FADS2: variants seen among roughly 807,000 people sequenced by gnomAD.
FADS2 encodes fatty acid desaturase 2.
In FADS2, 18 loss-of-function variants were observed where a neutral mutation model predicts 61.2. The observed-to-expected ratio is 0.29, with a 90% CI of 0.20 to 0.44. The LOEUF (loss-of-function observed/expected upper bound fraction) is 0.44. FADS2 is among the 20% of genes least tolerant of loss of function. The pLI is 1.00. For synonymous variants in FADS2, 203 were observed against 223.9 expected, an observed-to-expected ratio of 0.91 and a Z score of 0.83; for missense variants, 322 against 572.7, an observed-to-expected ratio of 0.56 and a Z score of 4.47.
upstream of FADS2, chr11:61,826,480 A>G (rs541010884): frequency 1.6e-5 from 10 of 635,834 alleles, no homozygotes; most frequent in Middle Eastern, 2.9e-4. Flanking sequence ...CCCTTTACAA[A>G]TGTTCATTAA....
upstream of FADS2, chr11:61,828,236 G>T: frequency 7.0e-7 from 1 of 1,436,092 alleles, no homozygotes; most frequent in Non-Finnish European, 9.1e-7. This position sits in a 1 kb window ranked among gnomAD's most constrained non-coding sequence, Gnocchi z 6.4. Context: ...CGAGAAGGCT[G>T]GGGGAGGGGG....
At chr11:61,847,863 C>T in intron 4 of FADS2, 1 of 372,740 alleles carries the variant, frequency 2.7e-6, no homozygotes, top group Non-Finnish European at 5.1e-6. Flanking sequence ...AGACTGGCTG[C>T]CACACCTGCT....
At chr11:61,857,905 C>T (rs1295052868) in intron 7 of FADS2, among the ~76,000 whole-genome samples, 2 of 152,340 alleles carry the variant, frequency 1.3e-5, no homozygotes, top group Admixed American at 6.5e-5. Context: ...AGCAGCTGGG[C>T]GTTGGCTGAG....
Position 61,865,184 on chromosome 11 carries a change from A to G in FADS2, c.1190A>G (p.His397Arg). The G allele has an allele frequency of 6.2e-7, 1 of 1,613,672 alleles. No individual in the cohort carries two copies. Among genetic ancestry groups the G allele is most frequent in the East Asian group, 2.2e-5 (1 of 44,864 alleles). ...LFPTMPRHNL[H>R]KIAPLVKSLC... The stretch of plus-strand genomic sequence containing the variant: ...CCCACCATGCCCCGGCACAACTTAC[A>G]CAAGATCGCCCCGCTGGTGAAGTCT... The change falls in exon 11 of 12, where the codon CAC (histidine) becomes CGC (arginine). Residue 397 changes from histidine to arginine, a missense_variant. His to Arg is a conservative substitution (Grantham distance 29). This residue lies in a region of FADS2 where 221 missense variants were observed against 427.9 expected (regional missense o/e 0.52). Transcript: ENST00000278840. This position sits in a 1 kb window ranked among gnomAD's most constrained non-coding sequence, Gnocchi z 4.1.
Position 61,856,980 on chromosome 11 carries a change from T to C in FADS2, c.745-31T>C, listed in dbSNP as rs764886422. 27 of 1,594,332 alleles carry C rather than the reference T, an allele frequency of 1.7e-5. No homozygotes were observed. In the Admixed American group the frequency reaches 4.5e-4, roughly 27 times the overall value. On this transcript the variant is annotated intron_variant, in intron 5 of 11. Transcript: ENST00000278840. Reference sequence around the variant, plus strand: ...ATGGGAGGCTGGGAGCTGAGGCTACTGGGTGCTCATGATCTCTCCTCTCTC... The same window carrying C: ...ATGGGAGGCTGGGAGCTGAGGCTACCGGGTGCTCATGATCTCTCCTCTCTC...
chr11:61,845,673 A>C (rs548491026), intron 4 of FADS2, among the ~76,000 whole-genome samples: 1 of 151,876 alleles, frequency 6.6e-6, no homozygotes. Flanking sequence ...GGCGCCTATA[A>C]TCTCAGCTAC....
chr11:61,816,925 C>T lies in FADS2; in HGVS notation c.141+499C>T, dbSNP rs1239360783. 1 of 1,394,542 alleles carries T rather than the reference C, an allele frequency of 7.2e-7. No homozygotes were observed. The highest frequency in any genetic ancestry group is 9.2e-7 in the Non-Finnish European group (1 of 1,084,294). The allele number at this position is 1,394,542 out of a possible 1,614,324, so 86.4% of individuals were successfully genotyped here. On this transcript the variant is annotated intron_variant, in intron 1 of 11. Transcript: ENST00000257261. The surrounding 1 kb of genome is among the most constrained non-coding windows in gnomAD (Gnocchi z 7.0). ...ACCGGCGGGCCTCGCAGCGCGCGTT[C>T]CCATTGGCCGAGCCTCGTGGCGCGG... is the stretch of plus-strand genomic sequence containing the variant.
Position 61,847,951 on chromosome 11 carries a change from A to G in FADS2, c.619-208A>G, listed in dbSNP as rs538222101. ...CTTATGATCAGGGAAACTGAAGCCT[A>G]GAGAGATAAAGTGACTTCACTCCAT... is the stretch of plus-strand genomic sequence containing the variant. On this transcript the variant is annotated intron_variant, in intron 4 of 11. Transcript: ENST00000278840. 107 of 559,982 alleles carry G rather than the reference A, an allele frequency of 1.9e-4. No individual in the cohort carries two copies. In the East Asian group the frequency reaches 3.3e-3, roughly 17 times the overall value. The allele number at this position is 559,982 out of a possible 1,614,324, so 34.7% of individuals were successfully genotyped here.
In FADS2 at chr11:61,837,520, A is replaced by C. The variant is rs183546273; in HGVS notation, c.208-258A>C. Among the ~76,000 whole-genome samples, 5 of 152,310 alleles carry C rather than the reference A, an allele frequency of 3.3e-5. No homozygotes were observed. In the East Asian group the frequency reaches 9.6e-4, roughly 29 times the overall value. ...CGACCTGCCCAAAGGCAGCCTATGC[A>C]TCTATTCACAAACCCCTGGGGAGTG... On this transcript the variant is annotated intron_variant, in intron 1 of 11. Coordinates refer to ENST00000278840, the MANE Select transcript of FADS2 (RefSeq NM_004265.4).
At chr11:61,843,588 C>T (rs1158213467) in intron 4 of FADS2, among the ~76,000 whole-genome samples, 5 of 152,122 alleles carry the variant, frequency 3.3e-5, no homozygotes, top group Non-Finnish European at 5.9e-5. Context: ...TCTAAGGGGA[C>T]ACCAGACAAA....
chr11:61,865,037 G>A lies in FADS2; in HGVS notation c.1158-115G>A. ...GAGCCACACTTTGAGACTGGTCCTG[G>A]CTGTGGACAGGGTCTCTGAGGGCCC... On this transcript the variant is annotated intron_variant, in intron 10 of 11. Transcript: ENST00000278840. This position sits in a 1 kb window ranked among gnomAD's most constrained non-coding sequence, Gnocchi z 4.1. 1.6e-6 allele frequency: 2 copies of A among 1,266,928 alleles called. No homozygotes were observed. Among genetic ancestry groups the A allele is most frequent in the Non-Finnish European group, 2.2e-6 (2 of 908,854 alleles). 78.5% of individuals were successfully genotyped at this position (1,266,928 alleles called of 1,614,324 possible).
intron 1 of FADS2, among the ~76,000 whole-genome samples, chr11:61,835,472 C>T (rs1280987404): frequency 6.6e-6 from 1 of 151,218 alleles, no homozygotes; most frequent in African/African-American, 2.4e-5. Flanking sequence ...CAGCTCACTG[C>T]AACCTTCCAC....
At chr11:61,835,113 T>G (rs534499752) in intron 1 of FADS2, among the ~76,000 whole-genome samples, 1 of 151,664 alleles carries the variant, frequency 6.6e-6, no homozygotes, top group Non-Finnish European at 1.5e-5. Flanking sequence ...CTCTTTTCCC[T>G]GAAAATACTC....
chr11:61,851,811 C>T (rs996237914), intron 5 of FADS2, among the ~76,000 whole-genome samples: 2 of 152,244 alleles, frequency 1.3e-5, no homozygotes, highest in African/African-American at 2.4e-5. Flanking sequence ...CGCAGTAAAG[C>T]CCTTTTCCTC....
intron 1 of FADS2, 144 bp from the exon 2 acceptor site, chr11:61,837,634 C>G (rs754471790): frequency 1.6e-6 from 1 of 623,186 alleles, no homozygotes; most frequent in Admixed American, 2.6e-5. Flanking sequence ...ATGCTGGAGA[C>G]GGCATTTGGG....
At chr11:61,840,806 C>A (rs1171409214) in intron 4 of FADS2, 81 bp downstream of exon 4, 1 of 1,072,066 alleles carries the variant, frequency 9.3e-7, no homozygotes, top group Non-Finnish European at 1.4e-6. Context: ...CTGCTCAGTG[C>A]TCTGAGGCTA....
intron 4 of FADS2, among the ~76,000 whole-genome samples, chr11:61,842,554 G>A (rs918152056): frequency 3.3e-5 from 5 of 152,214 alleles, no homozygotes; most frequent in Admixed American, 1.3e-4. Flanking sequence ...CGGCTGTTGC[G>A]TCAGGCGGGA....
At chr11:61,826,135 A>T (rs144517590), upstream of FADS2, 1 of 702,580 alleles carries the variant, frequency 1.4e-6, no homozygotes, top group East Asian at 2.7e-5. Flanking sequence ...AGCCTCCTCC[A>T]TGGTAAAGTC....
chr11:61,856,864 G>T (rs891354868), intron 5 of FADS2, 147 bp from the exon 6 acceptor site: 2 of 710,006 alleles, frequency 2.8e-6, no homozygotes, highest in Admixed American at 4.3e-5. Flanking sequence ...CCCCAGGCTT[G>T]GTGGGCCCAG....
Sources: gnomAD v4.1 joint callset for allele counts (sites outside exome capture counted in the v4.1 genomes callset) on GRCh38, gnomAD v4.1.1 for gene constraint, gnomAD v4.1.1 regional missense constraint, Gnocchi (gnomAD v3.1) non-coding constraint, MANE v1.5 for transcripts, NCBI Gene and HGNC (gene_info 2026-07-23, HGNC 2026-07-21) for gene names.